TTC8: variants seen among roughly 807,000 people sequenced by gnomAD.
The protein encoded by TTC8 is tetratricopeptide repeat protein 8.
TTC8 carries 47 observed loss-of-function variants against 72.5 expected under a neutral mutation model. That is an observed-to-expected ratio of 0.65 (90% CI 0.51 to 0.83). TTC8 has a LOEUF of 0.83. Ranked by LOEUF, TTC8 falls within the 40% of genes least tolerant of loss-of-function variation. The pLI, the probability that TTC8 is intolerant of heterozygous loss-of-function variation, is 0.00. For synonymous variants in TTC8, 199 were observed against 221.4 expected, an observed-to-expected ratio of 0.90 and a Z score of 0.90; for missense variants, 611 against 623.2, an observed-to-expected ratio of 0.98 and a Z score of 0.21.
intron 1 of TTC8, among the ~76,000 whole-genome samples, chr14:88,831,296 A>G (rs1237507022): frequency 6.6e-6 from 1 of 152,072 alleles, no homozygotes; most frequent in Non-Finnish European, 1.5e-5. Flanking sequence ...GTTCTAAATA[A>G]CTTGTTCCCT....
chr14:88,855,176 G>A (rs1304662022), intron 8 of TTC8, among the ~76,000 whole-genome samples: 2 of 152,136 alleles, frequency 1.3e-5, no homozygotes, highest in Non-Finnish European at 2.9e-5. Flanking sequence ...TGCTCTCAAA[G>A]CACTTTTTTC....
rs181837520 is a variant in TTC8 at position 88,861,153 on chromosome 14, A to G, written c.799-69A>G. The G allele has an allele frequency of 7.6e-6, 9 of 1,190,188 alleles. No homozygotes were observed. The African/African-American group carries it at 1.4e-4, about 18-fold the overall frequency. The allele number at this position is 1,190,188 out of a possible 1,614,324, so 73.7% of individuals were successfully genotyped here. A position where few individuals can be genotyped will look rare whatever the true frequency, so the allele number is the denominator to read the frequency against. On this transcript the variant is annotated intron_variant, in intron 9 of 14. Coordinates refer to ENST00000380656, the MANE Select transcript of TTC8 (RefSeq NM_144596.4). ...GGAGATAATTTGTTACTAATCAATAATTATAAATGTCATAACAAATATTAA... is the reference window on the plus strand; with the variant it reads ...GGAGATAATTTGTTACTAATCAATAGTTATAAATGTCATAACAAATATTAA...
Position 88,871,547 on chromosome 14 carries a change from A to C in TTC8, c.1050-2A>C, listed in dbSNP as rs1266765110. Reference sequence around the variant, plus strand: ...AAAATTTGTGTGTTCTTTTTTGAAAAGGCGGCTGCTGCAGATGGGCATTTA... The same window carrying C: ...AAAATTTGTGTGTTCTTTTTTGAAACGGCGGCTGCTGCAGATGGGCATTTA... On this transcript the variant is annotated splice_acceptor_variant, in intron 11 of 14. Transcript: ENST00000380656. LOFTEE classifies it high-confidence loss of function. The surrounding 1 kb of genome is among the most constrained non-coding windows in gnomAD (Gnocchi z 4.1). 1.9e-6 allele frequency: 3 copies of C among 1,613,706 alleles called. No homozygotes were observed. Among genetic ancestry groups the C allele is most frequent in the Non-Finnish European group, 2.5e-6 (3 of 1,179,980 alleles).
At chr14:88,833,307 C>T (rs1442810129) in intron 1 of TTC8, among the ~76,000 whole-genome samples, 1 of 152,072 alleles carries the variant, frequency 6.6e-6, no homozygotes, top group Non-Finnish European at 1.5e-5. Flanking sequence ...TTTCCTTCTT[C>T]TCCTTAAGTG....
intron 1 of TTC8, among the ~76,000 whole-genome samples, chr14:88,828,378 C>T (rs376665868): frequency 3.9e-5 from 6 of 152,134 alleles, no homozygotes; most frequent in East Asian, 3.9e-4. Flanking sequence ...TCCTCTGCTC[C>T]GCAGTTAGCT....
At chr14:88,851,297 T>C (rs2094832547) in intron 7 of TTC8, among the ~76,000 whole-genome samples, 1 of 152,210 alleles carries the variant, frequency 6.6e-6, no homozygotes, top group African/African-American at 2.4e-5. Context: ...TTGCCATTTT[T>C]ATTCTGTATC....
At chr14:88,875,226 T>G in intron 14 of TTC8, 117 bp downstream of exon 14, 1 of 847,316 alleles carries the variant, frequency 1.2e-6, no homozygotes, top group Non-Finnish European at 1.9e-6. Flanking sequence ...AAATGACTTT[T>G]TAAAACTCTT....
At chr14:88,878,892 G>A (rs1332793651), downstream of TTC8, 1 of 152,096 alleles carries the variant, frequency 6.6e-6, no homozygotes, top group Non-Finnish European at 1.5e-5. Context: ...AGAATACTGA[G>A]GCATAGTAAA....
At chr14:88,863,677 T>G (rs1034604713) in intron 10 of TTC8, among the ~76,000 whole-genome samples, 12 of 152,242 alleles carry the variant, frequency 7.9e-5, no homozygotes, top group Admixed American at 7.2e-4. Flanking sequence ...TACAGGCCTT[T>G]CTAAGAATAG....
intron 1 of TTC8, chr14:88,830,900 G>A (rs761571092): frequency 4.4e-6 from 2 of 455,928 alleles, no homozygotes; most frequent in African/African-American, 2.0e-5. Flanking sequence ...GATCTCCACA[G>A]AGCCATGCCT....
intron 10 of TTC8, among the ~76,000 whole-genome samples, chr14:88,863,023 A>G (rs2094895337): frequency 6.6e-6 from 1 of 150,862 alleles, no homozygotes; most frequent in Admixed American, 6.6e-5. Context: ...CAAGAGCCAT[A>G]AAAATCCCTG....
intron 3 of TTC8, chr14:88,840,263 A>C (rs2094773926): frequency 1.3e-5 from 2 of 155,188 alleles, no homozygotes; most frequent in Admixed American, 1.3e-4. Context: ...ACTAGCCTTA[A>C]AAAAAAAATG....
intron 7 of TTC8, among the ~76,000 whole-genome samples, chr14:88,850,237 T>C (rs2094827506): frequency 1.3e-5 from 2 of 152,352 alleles, no homozygotes; most frequent in South Asian, 2.1e-4. Context: ...GTTTGGTTTT[T>C]AAGGTGTTGT....
downstream of TTC8, chr14:88,880,816 A>G (rs1274977936): frequency 6.6e-6 from 1 of 152,198 alleles, no homozygotes. Context: ...GTTTATTAAA[A>G]TAAAGGAAGA....
chr14:88,861,652 T>C lies in TTC8; in HGVS notation c.909+320T>C, dbSNP rs1199185066. 3.3e-5 allele frequency among the ~76,000 whole-genome samples: 5 copies of C among 152,230 alleles called. No individual in the cohort carries two copies. The East Asian group carries it at 9.6e-4, about 29-fold the overall frequency. Reference sequence around the variant, plus strand: ...TCATCCTCCAGTCTCCCCACACCCTTCCTAGCCTCTGGTAACCATAATTTT... The same window carrying C: ...TCATCCTCCAGTCTCCCCACACCCTCCCTAGCCTCTGGTAACCATAATTTT... On this transcript the variant is annotated intron_variant, in intron 10 of 14. Transcript: ENST00000380656.
At chr14:88,830,327 C>T (rs901083880) in intron 1 of TTC8, among the ~76,000 whole-genome samples, 5 of 152,156 alleles carry the variant, frequency 3.3e-5, no homozygotes, top group African/African-American at 7.2e-5. Context: ...AAGTGGCACT[C>T]TACTTTCCAT....
chr14:88,834,531 C>CT (rs1267197637), intron 2 of TTC8, among the ~76,000 whole-genome samples: 1 of 152,028 alleles, frequency 6.6e-6, no homozygotes, highest in African/African-American at 2.4e-5. Context: ...ATTAGCAAAC[C>CT]TTTTAGAATA....
chr14:88,856,059 G>C (rs116480984), intron 8 of TTC8, among the ~76,000 whole-genome samples: 5,067 of 152,296 alleles, frequency 0.033, 296 homozygotes, highest in African/African-American at 0.12. Flanking sequence ...CCTCCAGCCT[G>C]GGCGACAGAG....
chr14:88,827,054 A>G (rs78099464), intron 1 of TTC8, among the ~76,000 whole-genome samples: 3,569 of 152,210 alleles, frequency 0.023, 153 homozygotes, highest in African/African-American at 0.081. Context: ...GGAAAGGGTC[A>G]GATATCTTCA....
Sources: gnomAD v4.1 joint callset for allele counts (sites outside exome capture counted in the v4.1 genomes callset) on GRCh38, gnomAD v4.1.1 for gene constraint, Gnocchi (gnomAD v3.1) non-coding constraint, MANE v1.5 for transcripts, NCBI Gene and HGNC (gene_info 2026-07-23, HGNC 2026-07-21) for gene names.